Variants in RERE observed in about 807,000 individuals in gnomAD.
RERE encodes the protein arginine-glutamic acid dipeptide repeats.
A neutral mutation model predicts 146.1 loss-of-function variants in RERE; 40 were observed. That is an observed-to-expected ratio of 0.27 (90% CI 0.21 to 0.36). The LOEUF (loss-of-function observed/expected upper bound fraction) is 0.36, where lower values mean the gene tolerates loss of function less well. Ranked by LOEUF, RERE falls within the 10% of genes least tolerant of loss-of-function variation. RERE has a pLI of 1.00. For missense variants in RERE, 1,933 were observed against 2,138.7 expected (o/e 0.90, Z 1.90); for synonymous variants, 1,003 against 866.0 (o/e 1.16, Z -2.78).
intron 4 of RERE, among the ~76,000 whole-genome samples, chr1:8,604,531 G>C (rs1256776168): frequency 6.7e-6 from 1 of 149,722 alleles, no homozygotes; most frequent in Non-Finnish European, 1.5e-5. Flanking sequence ...TTGTTGTGGG[G>C]GAAGAGGAGG....
At chr1:8,701,645 G>C (rs1407688718) in intron 1 of RERE, among the ~76,000 whole-genome samples, 1 of 152,174 alleles carries the variant, frequency 6.6e-6, no homozygotes. Flanking sequence ...CATGCAACCA[G>C]ATCAAATAAC....
At chr1:8,436,035 A>T (rs1644166009) in intron 11 of RERE, among the ~76,000 whole-genome samples, 1 of 152,154 alleles carries the variant, frequency 6.6e-6, no homozygotes, top group Non-Finnish European at 1.5e-5. Flanking sequence ...AAATAACCCA[A>T]CACGGCCAGG....
intron 12 of RERE, among the ~76,000 whole-genome samples, chr1:8,396,105 T>C (rs1643046648): frequency 6.6e-6 from 1 of 152,132 alleles, no homozygotes. Context: ...TAGTGACAAG[T>C]GAGAAGGCAC....
rs149273668 is a variant in RERE at position 8,472,624 on chromosome 1, T to C, written c.1105-6601A>G. On this transcript the variant is annotated intron_variant, in intron 10 of 22. Transcript: ENST00000400908. ...TGGTAAAATCTGGGATTAAATGCAATTTTAATGTAGAGTATAGAGAACTGT... is the reference window on the plus strand; with the variant it reads ...TGGTAAAATCTGGGATTAAATGCAACTTTAATGTAGAGTATAGAGAACTGT... Among the ~76,000 whole-genome samples the C allele has an allele frequency of 3.5e-4, 53 of 152,336 alleles. No individual in the cohort carries two copies. The East Asian group carries it at 0.01, about 29-fold the overall frequency.
intron 1 of RERE, among the ~76,000 whole-genome samples, chr1:8,711,877 T>C (rs1261426071): frequency 1.3e-5 from 2 of 152,220 alleles, no homozygotes; most frequent in Non-Finnish European, 2.9e-5. Flanking sequence ...TTGCCCTTTA[T>C]TATTATTAGG....
In RERE at chr1:8,785,873, C is replaced by T. The variant is rs186334048; in HGVS notation, c.-145+31287G>A. Reference sequence around the variant, plus strand: ...CTGACCTCAAGTGATCTGCCCACCTCGGCCTCCCAAAGTGCTGGGATTACA... The same window carrying T: ...CTGACCTCAAGTGATCTGCCCACCTTGGCCTCCCAAAGTGCTGGGATTACA... On this transcript the variant is annotated intron_variant, in intron 1 of 22. Transcript: ENST00000400908. Among the ~76,000 whole-genome samples the T allele has an allele frequency of 2.6e-5, 4 of 152,134 alleles. No individual in the cohort carries two copies. The East Asian group carries it at 5.8e-4, about 22-fold the overall frequency.
intron 10 of RERE, among the ~76,000 whole-genome samples, chr1:8,489,858 G>A (rs1019221601): frequency 6.6e-6 from 1 of 151,720 alleles, no homozygotes; most frequent in African/African-American, 2.4e-5. Context: ...AGATCATCCT[G>A]GCTAACACAG....
At chr1:8,736,871 A>C (rs11583654) in intron 1 of RERE, among the ~76,000 whole-genome samples, 32,791 of 148,598 alleles carry the variant, frequency 0.22, 3,597 homozygotes, top group Middle Eastern at 0.26. Context: ...AAAAAAAAAA[A>C]AAAACTAAAA....
At chr1:8,691,339 C>T (rs1367262970) in intron 1 of RERE, among the ~76,000 whole-genome samples, 1 of 152,112 alleles carries the variant, frequency 6.6e-6, no homozygotes, top group Non-Finnish European at 1.5e-5. Flanking sequence ...TCTCTATGTC[C>T]TCATAAAGAA....
chr1:8,682,946 C>A (rs763264849), intron 1 of RERE, among the ~76,000 whole-genome samples: 2 of 140,190 alleles, frequency 1.4e-5, no homozygotes, highest in Non-Finnish European at 1.5e-5. Flanking sequence ...TGCTATACTT[C>A]GGTAAAATAA....
chr1:8,672,200 G>A (rs1165400684), intron 1 of RERE, among the ~76,000 whole-genome samples: 3 of 152,062 alleles, frequency 2.0e-5, no homozygotes, highest in African/African-American at 7.2e-5. Context: ...TTGAGTCAGC[G>A]TCTCCCTCTG....
chr1:8,663,369 C>T (rs370447557), intron 1 of RERE, among the ~76,000 whole-genome samples: 1 of 152,124 alleles, frequency 6.6e-6, no homozygotes, highest in African/African-American at 2.4e-5. Flanking sequence ...CACAGTAAGA[C>T]ATACTTATAT....
chr1:8,695,095 T>A (rs200661054), intron 1 of RERE, among the ~76,000 whole-genome samples: 1 of 147,592 alleles, frequency 6.8e-6, no homozygotes, highest in Non-Finnish European at 1.5e-5. Context: ...TGAAACAGAA[T>A]AGAGAACCTA....
At chr1:8,705,403 G>C (rs961541879) in intron 1 of RERE, among the ~76,000 whole-genome samples, 1 of 152,110 alleles carries the variant, frequency 6.6e-6, no homozygotes. Flanking sequence ...CACCAGAGCA[G>C]GAATAATCTC....
At chr1:8,398,799 T>C (rs758480388) in intron 12 of RERE, among the ~76,000 whole-genome samples, 18 of 151,972 alleles carry the variant, frequency 1.2e-4, no homozygotes, top group African/African-American at 4.4e-4. Flanking sequence ...CATCGAAAAA[T>C]TTGCTATTTT....
chr1:8,575,561 A>ATATATTT (rs1337650659), intron 4 of RERE, among the ~76,000 whole-genome samples: 2 of 98,676 alleles, frequency 2.0e-5, no homozygotes, highest in South Asian at 3.5e-4. Flanking sequence ...ATATATATAT[A>ATATATTT]TTTTTTTTTT....
chr1:8,729,989 A>G (rs1242421576), intron 1 of RERE, among the ~76,000 whole-genome samples: 1 of 152,206 alleles, frequency 6.6e-6, no homozygotes, highest in Non-Finnish European at 1.5e-5. Context: ...TTTCACTCAC[A>G]TCAATGTTAC....
intron 1 of RERE, among the ~76,000 whole-genome samples, chr1:8,751,917 C>T (rs1421214020): frequency 3.4e-5 from 5 of 146,198 alleles, no homozygotes; most frequent in African/African-American, 1.0e-4. Flanking sequence ...GACTGTAGTA[C>T]GGGAACTGTC....
At chr1:8,477,112 T>G (rs893268535) in intron 10 of RERE, among the ~76,000 whole-genome samples, 1 of 152,244 alleles carries the variant, frequency 6.6e-6, no homozygotes, top group Non-Finnish European at 1.5e-5. Context: ...CCACAGGTCT[T>G]TAAATGCAAT....
Sources: allele counts gnomAD v4.1 joint callset (sites outside exome capture counted in the v4.1 genomes callset), GRCh38; gene constraint gnomAD v4.1.1; transcripts MANE v1.5; gene names NCBI Gene and HGNC (gene_info 2026-07-23, HGNC 2026-07-21).